Variants in SLC38A4 observed in about 807,000 individuals in gnomAD.
SLC38A4 encodes the protein sodium-coupled neutral amino acid transporter 4.
SLC38A4 carries 20 observed loss-of-function variants against 63.1 expected under a neutral mutation model. The observed-to-expected ratio is 0.32, with a 90% CI of 0.22 to 0.46. SLC38A4 has a LOEUF of 0.46. SLC38A4 is among the 20% of genes least tolerant of loss of function. The probability of loss-of-function intolerance (pLI) is 1.00; values close to 1 mark genes in which losing one functional copy is unlikely to be tolerated. For synonymous variants in SLC38A4, 230 were observed against 225.5 expected (o/e 1.02, Z -0.18); for missense variants, 526 against 663.6 (o/e 0.79, Z 2.28).
chr12:46,803,984 G>GT (rs1939182032), intron 1 of SLC38A4, among the ~76,000 whole-genome samples, 190 bp from the exon 2 acceptor site: 1 of 152,004 alleles, frequency 6.6e-6, no homozygotes, highest in East Asian at 1.9e-4. Flanking sequence ...GATGAATCCA[G>GT]AAATATTCCG....
At chr12:46,768,601 TAC>T (rs765323893) in intron 15 of SLC38A4, among the ~76,000 whole-genome samples, 194 bp from the exon 16 acceptor site, 1 of 152,144 alleles carries the variant, frequency 6.6e-6, no homozygotes, top group Non-Finnish European at 1.5e-5. Context: ...AATTAAAATG[TAC>T]CTAACATCAA....
intron 3 of SLC38A4, among the ~76,000 whole-genome samples, chr12:46,789,863 G>T (rs1448366766): frequency 6.6e-6 from 1 of 152,148 alleles, no homozygotes; most frequent in Non-Finnish European, 1.5e-5. Context: ...GATAACTTGA[G>T]GTCAGGAGTT....
intron 1 of SLC38A4, among the ~76,000 whole-genome samples, chr12:46,809,560 C>T (rs1320163216): frequency 1.3e-5 from 2 of 152,044 alleles, no homozygotes; most frequent in East Asian, 3.9e-4. Flanking sequence ...GCCTAATGCA[C>T]CCATTCTTCA....
At chr12:46,828,555 T>A (rs1033059486), upstream of SLC38A4, among the ~76,000 whole-genome samples, 89 of 152,330 alleles carry the variant, frequency 5.8e-4, no homozygotes, top group African/African-American at 2.1e-3. Context: ...ACTCCTGACC[T>A]CAGGTGATCC....
chr12:46,774,961 C>G, intron 14 of SLC38A4, 88 bp downstream of exon 14: 1 of 1,457,150 alleles, frequency 6.9e-7, no homozygotes, highest in Non-Finnish European at 9.3e-7. Context: ...GCAAACTCAC[C>G]CTATAATTAA....
At chr12:46,766,936 C>G (rs1053905641) in intron 16 of SLC38A4, 134 bp from the exon 17 acceptor site, 4 of 589,196 alleles carry the variant, frequency 6.8e-6, no homozygotes, top group Non-Finnish European at 9.0e-6. Flanking sequence ...GATGCCCAGG[C>G]CTAACCTATC....
At chr12:46,774,970 A>C in intron 14 of SLC38A4, 79 bp downstream of exon 14, 1 of 1,498,024 alleles carries the variant, frequency 6.7e-7, no homozygotes, top group Non-Finnish European at 9.0e-7. Context: ...CCCTATAATT[A>C]AATCAAAATG....
Position 46,778,703 on chromosome 12 carries a change from T to A in SLC38A4, c.791A>T (p.Asn264Ile). 1 of 1,612,958 alleles carries A rather than the reference T, an allele frequency of 6.2e-7. No homozygotes were observed. Among genetic ancestry groups the A allele is most frequent in the Non-Finnish European group, 8.5e-7 (1 of 1,179,340 alleles). Residue 264 changes from asparagine (N) to isoleucine (I), a missense_variant, in exon 11 of 17, where the codon AAC becomes ATC. Coordinates refer to ENST00000266579, the MANE Select transcript of SLC38A4 (RefSeq NM_018018.5). Reference protein sequence around the residue: ...LDHSVGNLSFNNTLPMHVVML... With the variant: ...LDHSVGNLSFINTLPMHVVML... ...TACCACATGCATTGGAAGCGTGTTG[T>A]TGAATGACAGATTTCCAACACTGTG...
In SLC38A4 at chr12:46,785,132, G is replaced by T; in HGVS notation, c.372C>A (p.His124Gln). ...CTTCCTTGGCTGTTTTTAATAAAAG[G>T]TGAACTGAATACAGTGATAATATTG... ...AVAILSLYSV[H>Q]LLLKTAKEGG... The change falls in exon 6 of 17, where the codon CAC becomes CAA. Residue 124 changes from histidine to glutamine, a missense_variant. Coordinates refer to ENST00000266579, the MANE Select transcript of SLC38A4 (RefSeq NM_018018.5). 2 of 1,612,850 alleles carry T rather than the reference G, an allele frequency of 1.2e-6. No individual in the cohort carries two copies. Among genetic ancestry groups the T allele is most frequent in the South Asian group, 1.1e-5 (1 of 91,030 alleles).
intron 14 of SLC38A4, among the ~76,000 whole-genome samples, chr12:46,773,117 G>C (rs916439772): frequency 6.6e-6 from 1 of 152,118 alleles, no homozygotes; most frequent in Non-Finnish European, 1.5e-5. Flanking sequence ...CACCTTCTCT[G>C]TGTATCCTTC....
At chr12:46,787,593 C>T (rs1393119449) in intron 5 of SLC38A4, among the ~76,000 whole-genome samples, 3 of 152,120 alleles carry the variant, frequency 2.0e-5, no homozygotes, top group African/African-American at 7.2e-5. Flanking sequence ...ATGCAGGGCT[C>T]TTAGGCTTGG....
intron 2 of SLC38A4, among the ~76,000 whole-genome samples, chr12:46,801,596 C>T (rs1939133301): frequency 6.6e-6 from 1 of 152,076 alleles, no homozygotes; most frequent in Non-Finnish European, 1.5e-5. Context: ...AAAGCCTCAC[C>T]TATCATTTAC....
At chr12:46,820,422 G>A (rs186928951) in intron 1 of SLC38A4, among the ~76,000 whole-genome samples, 49 of 152,108 alleles carry the variant, frequency 3.2e-4, no homozygotes, top group Admixed American at 1.3e-4. Flanking sequence ...TTGGAGTCAT[G>A]CAGGATTTGT....
At chr12:46,774,993 A>C in intron 14 of SLC38A4, 56 bp downstream of exon 14, 1 of 1,584,948 alleles carries the variant, frequency 6.3e-7, no homozygotes, top group East Asian at 2.2e-5. Flanking sequence ...GGTAGAACAC[A>C]TGTACTAATT....
In SLC38A4 at chr12:46,771,544, A is replaced by G. The variant is rs182136508; in HGVS notation, c.1300-2116T>C. 3.3e-5 allele frequency among the ~76,000 whole-genome samples: 5 copies of G among 152,244 alleles called. No individual in the cohort carries two copies. The East Asian group carries it at 9.7e-4, about 30-fold the overall frequency. The stretch of plus-strand genomic sequence containing the variant: ...GAGATCACAGAAAGTTTATGGCAAT[A>G]ATAGGTAGAACGGTTGGAGTAAATG... On this transcript the variant is annotated intron_variant, in intron 14 of 16. Coordinates refer to ENST00000266579, the MANE Select transcript of SLC38A4 (RefSeq NM_018018.5).
intron 1 of SLC38A4, among the ~76,000 whole-genome samples, chr12:46,815,212 A>C (rs1360940619): frequency 6.9e-6 from 1 of 145,918 alleles, no homozygotes; most frequent in East Asian, 2.1e-4. Context: ...GGGCAAAATG[A>C]CTTTTCAAGG....
chr12:46,792,836 T>A lies in SLC38A4; in HGVS notation c.119+117A>T, dbSNP rs1365481870. ...GGGAATTGATGTGCTAGCATCAATATCATTGTTATCACAAATTTACCTGTA... is the reference window on the plus strand; with the variant it reads ...GGGAATTGATGTGCTAGCATCAATAACATTGTTATCACAAATTTACCTGTA... On this transcript the variant is annotated intron_variant, in intron 3 of 16. Coordinates refer to ENST00000266579, the MANE Select transcript of SLC38A4 (RefSeq NM_018018.5). 2.1e-5 allele frequency: 15 copies of A among 731,098 alleles called. No individual in the cohort carries two copies. In the Admixed American group the frequency reaches 2.9e-4, roughly 14 times the overall value. 45.3% of individuals were successfully genotyped at this position (731,098 alleles called of 1,614,324 possible).
intron 8 of SLC38A4, 21 bp downstream of exon 8, chr12:46,779,928 C>T (rs774666656): frequency 1.9e-6 from 3 of 1,610,148 alleles, no homozygotes; most frequent in Non-Finnish European, 1.7e-6. Context: ...CTTGATGTCA[C>T]AGAGGGAGCA....
upstream of SLC38A4, among the ~76,000 whole-genome samples, chr12:46,828,970 T>A (rs541728692): frequency 1.1e-4 from 16 of 152,286 alleles, no homozygotes; most frequent in African/African-American, 3.4e-4. Context: ...TTCCTTAAGT[T>A]TTTGTTCTCC....
Sources: allele counts gnomAD v4.1 joint callset (sites outside exome capture counted in the v4.1 genomes callset), GRCh38; gene constraint gnomAD v4.1.1; transcripts MANE v1.5; gene names NCBI Gene and HGNC (gene_info 2026-07-23, HGNC 2026-07-21).